NRG1: variants seen among roughly 807,000 people sequenced by gnomAD.
The protein encoded by NRG1 is neuregulin 1.
Under a neutral mutation model 63.8 loss-of-function variants are expected in NRG1, and 18 were observed. That is an observed-to-expected ratio of 0.28 (90% confidence interval 0.19 to 0.42). The LOEUF is 0.42. Ranked by LOEUF, NRG1 falls within the 10% of genes least tolerant of loss-of-function variation. The probability of loss-of-function intolerance (pLI) is 1.00; values close to 1 mark genes in which losing one functional copy is unlikely to be tolerated. For synonymous variants in NRG1, 302 were observed against 301.3 expected (o/e 1.00, Z -0.02); for missense variants, 762 against 814.7 (o/e 0.94, Z 0.79).
chr8:32,272,552 C>G (rs1037936420), intron 1 of NRG1, among the ~76,000 whole-genome samples: 2 of 152,108 alleles, frequency 1.3e-5, no homozygotes, highest in Non-Finnish European at 2.9e-5. Flanking sequence ...GATGCAAAGA[C>G]ATGTACATTT....
In NRG1 at chr8:31,666,702, T is replaced by C. The variant is rs79787334; in HGVS notation, c.37+27271T>C. ...TTTATGATCTCTTTCCCAGGGAAAA[T>C]AAATCATTAAATACTGAGGTGGCTA... On this transcript the variant is annotated intron_variant, in intron 1 of 10. Transcript: ENST00000519301. 5.5e-3 allele frequency among the ~76,000 whole-genome samples: 831 copies of C among 152,248 alleles called. 6 individuals carry two copies. The highest frequency in any genetic ancestry group is 0.018 in the African/African-American group (768 of 41,542).
intron 1 of NRG1, among the ~76,000 whole-genome samples, chr8:31,681,076 G>A (rs1808293725): frequency 6.6e-6 from 1 of 151,934 alleles, no homozygotes; most frequent in Admixed American, 6.6e-5. Flanking sequence ...CTTAAGACAG[G>A]TAAATGCAAT....
chr8:32,698,772 T>A (rs966940297), intron 5 of NRG1, among the ~76,000 whole-genome samples: 1 of 152,166 alleles, frequency 6.6e-6, no homozygotes, highest in South Asian at 2.1e-4. Flanking sequence ...TCTTTTGGGA[T>A]CAAATATATC....
At chr8:32,273,683 A>G (rs183225056) in intron 1 of NRG1, among the ~76,000 whole-genome samples, 3 of 152,156 alleles carry the variant, frequency 2.0e-5, no homozygotes, top group Non-Finnish European at 4.4e-5. Flanking sequence ...TAAATTTTAA[A>G]TTTGTAATCA....
At chr8:32,377,463 G>A (rs1809775056) in intron 1 of NRG1, among the ~76,000 whole-genome samples, 1 of 152,128 alleles carries the variant, frequency 6.6e-6, no homozygotes, top group African/African-American at 2.4e-5. Flanking sequence ...TGGGACCTTT[G>A]GGGATACCTG....
intron 1 of NRG1, among the ~76,000 whole-genome samples, chr8:31,733,805 C>T (rs752015640): frequency 2.6e-5 from 4 of 152,162 alleles, no homozygotes; most frequent in Non-Finnish European, 5.9e-5. Context: ...CCCCCCCGCC[C>T]ACATGACTCT....
intron 1 of NRG1, among the ~76,000 whole-genome samples, chr8:31,643,958 T>C (rs1466383228): frequency 6.6e-6 from 1 of 152,202 alleles, no homozygotes; most frequent in African/African-American, 2.4e-5. Flanking sequence ...GATGGTAGAA[T>C]GAAGATGTAT....
intron 1 of NRG1, among the ~76,000 whole-genome samples, chr8:32,281,985 G>A (rs997510675): frequency 2.0e-5 from 3 of 152,156 alleles, no homozygotes; most frequent in Non-Finnish European, 2.9e-5. Context: ...GACATTCTGA[G>A]GCTTTAAGCT....
chr8:31,775,195 T>C (rs1046492059), intron 1 of NRG1, among the ~76,000 whole-genome samples: 2 of 152,228 alleles, frequency 1.3e-5, no homozygotes, highest in Non-Finnish European at 2.9e-5. Flanking sequence ...CATCAGCACC[T>C]AAGTGTCCAT....
At chr8:31,957,108 G>GTAA (rs1804568605) in intron 1 of NRG1, among the ~76,000 whole-genome samples, 1 of 151,996 alleles carries the variant, frequency 6.6e-6, no homozygotes, top group Admixed American at 6.6e-5. Flanking sequence ...GTCAAATGCC[G>GTAA]TAATGTTCTC....
intron 1 of NRG1, among the ~76,000 whole-genome samples, chr8:32,530,210 C>T (rs1217880556): frequency 2.6e-5 from 4 of 152,024 alleles, no homozygotes; most frequent in Non-Finnish European, 5.9e-5. Context: ...CGGGTTCATG[C>T]CATTCTCCTG....
intron 5 of NRG1, among the ~76,000 whole-genome samples, chr8:32,627,368 C>G (rs2129543534): frequency 6.6e-6 from 1 of 152,306 alleles, no homozygotes; most frequent in East Asian, 1.9e-4. Flanking sequence ...TGTTGATGAG[C>G]AGACACTTAT....
chr8:31,837,184 T>C (rs1257905839), intron 1 of NRG1, among the ~76,000 whole-genome samples: 1 of 151,980 alleles, frequency 6.6e-6, no homozygotes, highest in Admixed American at 6.6e-5. Flanking sequence ...ATGCAAACAT[T>C]TTCTTCAGTT....
intron 1 of NRG1, among the ~76,000 whole-genome samples, chr8:32,559,083 GAAAAAAAA>G (rs35947086): frequency 2.3e-5 from 2 of 86,802 alleles, no homozygotes; most frequent in East Asian, 4.5e-4. Flanking sequence ...TTGTCTCAGC[GAAAAAAAA>G]AAAAAAAAAA....
At chr8:32,027,398 A>G (rs1271336143) in intron 1 of NRG1, among the ~76,000 whole-genome samples, 2 of 141,868 alleles carry the variant, frequency 1.4e-5, no homozygotes, top group African/African-American at 2.8e-5. Flanking sequence ...TGTTTTTTAT[A>G]AATTTCCTTC....
intron 1 of NRG1, among the ~76,000 whole-genome samples, chr8:32,151,668 C>T (rs111488063): frequency 3.3e-5 from 5 of 152,218 alleles, no homozygotes; most frequent in African/African-American, 4.8e-5. Flanking sequence ...AGCCAGATGA[C>T]GCAGCTGGAA....
chr8:32,356,486 C>T (rs985185716), intron 1 of NRG1, among the ~76,000 whole-genome samples: 14 of 48,054 alleles, frequency 2.9e-4, no homozygotes, highest in South Asian at 1.6e-3. Context: ...CCCCCCCCCA[C>T]CCGCCGGGCC....
intron 5 of NRG1, among the ~76,000 whole-genome samples, chr8:32,644,085 A>T (rs968989323): frequency 1.3e-5 from 2 of 150,010 alleles, no homozygotes; most frequent in African/African-American, 4.8e-5. Context: ...TAAAAAAAAA[A>T]TTTAAGATAA....
In NRG1 at chr8:31,693,497, T is replaced by TA. The variant is rs5890595; in HGVS notation, c.37+54078dup. 6.2e-3 allele frequency among the ~76,000 whole-genome samples: 900 copies of TA among 145,280 alleles called. 5 individuals are homozygous for TA. Among genetic ancestry groups the TA allele is most frequent in the African/African-American group, 0.014 (539 of 38,956 alleles). On this transcript the variant is annotated intron_variant, in intron 1 of 10. Coordinates refer to the NRG1 transcript ENST00000519301. ...TTACAGTTATTTCTCTAAAATGCAG[T>TA]AAAAAAAAAAAAGAATGCCTAGCAA...
Sources: gnomAD v4.1 joint callset for allele counts (sites outside exome capture counted in the v4.1 genomes callset) on GRCh38, gnomAD v4.1.1 for gene constraint, MANE v1.5 for transcripts, NCBI Gene and HGNC (gene_info 2026-07-23, HGNC 2026-07-21) for gene names.